The following GNAL variants were observed in gnomAD, a reference collection of about 807,000 sequenced individuals.
The protein encoded by GNAL is guanine nucleotide-binding protein G(olf) subunit alpha.
In GNAL, 18 loss-of-function variants were observed where a neutral mutation model predicts 55.1. The ratio of observed to expected loss-of-function variants is 0.33; its 90% CI spans 0.23 to 0.48. The LOEUF is 0.48. Ranked by LOEUF, GNAL falls within the 20% of genes least tolerant of loss-of-function variation. GNAL has a pLI of 0.99. For missense variants in GNAL, 412 were observed against 614.1 expected, an observed-to-expected ratio of 0.67 and a Z score of 3.48; for synonymous variants, 253 against 237.0, an observed-to-expected ratio of 1.07 and a Z score of -0.62.
At position 11,715,295 on chromosome 18, in the gene GNAL, TA is replaced by T. The variant is rs1286220417; in HGVS notation, c.376+25363del. Among the ~76,000 whole-genome samples, 768 of 148,202 alleles carry T rather than the reference TA, an allele frequency of 5.2e-3. 5 individuals are homozygous for T. Among genetic ancestry groups the T allele is most frequent in the African/African-American group, 0.018 (726 of 39,372 alleles). The stretch of plus-strand genomic sequence containing the variant: ...TAACACGGTGAAACCCTGTCTCTAC[TA>T]AAAAAATACAAAAAATTAGCCAGGC... On this transcript the variant is annotated intron_variant, in intron 1 of 11. Coordinates refer to ENST00000334049, the MANE Select transcript of GNAL (RefSeq NM_182978.4).
chr18:11,861,699 G>A (rs1489925530), intron 5 of GNAL, among the ~76,000 whole-genome samples: 1 of 152,152 alleles, frequency 6.6e-6, no homozygotes, highest in Non-Finnish European at 1.5e-5. Flanking sequence ...TCTCGGAAGG[G>A]TCATCACCCA....
chr18:11,857,697 G>T, intron 5 of GNAL: 1 of 985,342 alleles, frequency 1.0e-6, no homozygotes, highest in African/African-American at 1.7e-5. Flanking sequence ...CAGTGACGCC[G>T]ATATGCTGCG....
At chr18:11,818,251 G>A (rs2035009731) in intron 4 of GNAL, among the ~76,000 whole-genome samples, 1 of 152,084 alleles carries the variant, frequency 6.6e-6, no homozygotes, top group Non-Finnish European at 1.5e-5. Context: ...TTATAACACT[G>A]TAAAATAACA....
intron 6 of GNAL, among the ~76,000 whole-genome samples, chr18:11,863,575 G>C (rs1395122638): frequency 6.6e-6 from 1 of 152,100 alleles, no homozygotes; most frequent in African/African-American, 2.4e-5. Flanking sequence ...TACTAAAATG[G>C]GAGGACCACC....
At chr18:11,786,329 C>T (rs2034054527) in intron 4 of GNAL, among the ~76,000 whole-genome samples, 1 of 150,892 alleles carries the variant, frequency 6.6e-6, no homozygotes, top group Non-Finnish European at 1.5e-5. Context: ...ACAACTTCCA[C>T]TGAAAATCAA....
In GNAL at chr18:11,884,555, A is replaced by G; in HGVS notation, c.*3420A>G. On this transcript the variant is annotated 3_prime_UTR_variant, in exon 12 of 12. Transcript: ENST00000334049. ...ACAAGGAAGCCCACCACTCCACAGTAGATGATCAAAACCACATCCTCACGT... is the reference window on the plus strand; with the variant it reads ...ACAAGGAAGCCCACCACTCCACAGTGGATGATCAAAACCACATCCTCACGT... 6.2e-7 allele frequency: 1 copy of G among 1,614,086 alleles called. No homozygotes were observed. Among genetic ancestry groups the G allele is most frequent in the Non-Finnish European group, 8.5e-7 (1 of 1,180,038 alleles).
intron 1 of GNAL, among the ~76,000 whole-genome samples, chr18:11,723,365 A>T (rs143767493): frequency 0.013 from 1,980 of 152,358 alleles, 39 homozygotes; most frequent in African/African-American, 0.045. Flanking sequence ...CCATTTAAAA[A>T]ATGTAAAAAT....
intron 4 of GNAL, among the ~76,000 whole-genome samples, chr18:11,779,736 G>A (rs2033879543): frequency 6.6e-6 from 1 of 152,126 alleles, no homozygotes; most frequent in African/African-American, 2.4e-5. Context: ...TGGAAACTGG[G>A]GGATCACAGT....
At chr18:11,740,112 G>T (rs2032545041) in intron 1 of GNAL, among the ~76,000 whole-genome samples, 1 of 151,544 alleles carries the variant, frequency 6.6e-6, no homozygotes, top group Non-Finnish European at 1.5e-5. Flanking sequence ...TCTGTCTGTT[G>T]TTGGCAGGGA....
At chr18:11,768,558 G>A (rs1172264840) in intron 4 of GNAL, among the ~76,000 whole-genome samples, 2 of 151,536 alleles carry the variant, frequency 1.3e-5, no homozygotes, top group Admixed American at 6.6e-5. Context: ...CTGAGATCAC[G>A]CCACTGCACT....
intron 4 of GNAL, among the ~76,000 whole-genome samples, chr18:11,783,431 T>A (rs547891339): frequency 1.5e-4 from 23 of 152,282 alleles, no homozygotes; most frequent in African/African-American, 5.5e-4. Context: ...TATTAGCTAA[T>A]CGGAAGAAAA....
intron 1 of GNAL, among the ~76,000 whole-genome samples, chr18:11,703,749 A>G (rs912088937): frequency 6.6e-6 from 1 of 151,612 alleles, no homozygotes; most frequent in African/African-American, 2.4e-5. Flanking sequence ...GGGCTTGGGT[A>G]CAATAATGAG....
At chr18:11,836,915 C>T (rs930963111) in intron 5 of GNAL, among the ~76,000 whole-genome samples, 3 of 152,190 alleles carry the variant, frequency 2.0e-5, no homozygotes, top group African/African-American at 7.2e-5. Context: ...TTCACATCTC[C>T]ATCCACTTCA....
At chr18:11,740,925 T>C (rs1371191407) in intron 1 of GNAL, among the ~76,000 whole-genome samples, 3 of 152,260 alleles carry the variant, frequency 2.0e-5, no homozygotes. Flanking sequence ...CCACTCCAGC[T>C]TCTCTGAGAA....
intron 1 of GNAL, among the ~76,000 whole-genome samples, chr18:11,706,358 T>C (rs2031711716): frequency 6.6e-6 from 1 of 152,142 alleles, no homozygotes; most frequent in African/African-American, 2.4e-5. Context: ...AAAATATTGA[T>C]AAAAAGTGCT....
intron 1 of GNAL, among the ~76,000 whole-genome samples, chr18:11,732,104 G>C (rs1055993209): frequency 1.3e-5 from 2 of 152,130 alleles, no homozygotes; most frequent in African/African-American, 4.8e-5. Flanking sequence ...GCGTGTTTCT[G>C]CTTCTGTGCT....
intron 1 of GNAL, among the ~76,000 whole-genome samples, chr18:11,706,209 A>G (rs2031707319): frequency 6.6e-6 from 1 of 151,160 alleles, no homozygotes. Flanking sequence ...TCAGTTCCAA[A>G]CCACCCCAAT....
rs113728715 is a variant in GNAL, at chr18:11,824,262, T to TGG, written c.625-647_625-646dup. 5.3e-3 allele frequency among the ~76,000 whole-genome samples: 764 copies of TGG among 144,974 alleles called. 18 individuals are homozygous for TGG. Among genetic ancestry groups the TGG allele is most frequent in the African/African-American group, 0.018 (665 of 36,826 alleles). On this transcript the variant is annotated intron_variant, in intron 4 of 11. Transcript: ENST00000334049. ...ATGCATGTTTTTTTCATGGCTGAGA[T>TGG]GGGGGGGGGGTTCAATGAGTTAAGT... is the stretch of plus-strand genomic sequence containing the variant.
At chr18:11,723,039 C>A (rs2032133477) in intron 1 of GNAL, among the ~76,000 whole-genome samples, 2 of 143,838 alleles carry the variant, frequency 1.4e-5, no homozygotes, top group African/African-American at 5.1e-5. Context: ...AAAAAATTAG[C>A]CTGGCGTGGT....
Sources: gnomAD v4.1 joint callset for allele counts (sites outside exome capture counted in the v4.1 genomes callset) on GRCh38, gnomAD v4.1.1 for gene constraint, MANE v1.5 for transcripts, NCBI Gene and HGNC (gene_info 2026-07-23, HGNC 2026-07-21) for gene names.